The following DAB1 variants were observed in gnomAD, a reference collection of about 807,000 sequenced individuals.
DAB1 encodes the protein disabled homolog 1.
DAB1 carries 15 observed loss-of-function variants against 64.6 expected under a neutral mutation model. The ratio of observed to expected loss-of-function variants is 0.23; its 90% CI spans 0.16 to 0.36. The LOEUF is 0.36. Ranked by LOEUF, DAB1 falls within the 10% of genes least tolerant of loss-of-function variation. DAB1 has a pLI of 1.00. For missense variants in DAB1, 596 were observed against 706.7 expected (o/e 0.84, Z 1.78); for synonymous variants, 235 against 251.9 (o/e 0.93, Z 0.64).
At chr1:57,410,129 T>A (rs1683992096) in intron 1 of DAB1, among the ~76,000 whole-genome samples, 2 of 152,050 alleles carry the variant, frequency 1.3e-5, no homozygotes, top group African/African-American at 4.8e-5. Context: ...CAGAAAAGGA[T>A]AAGAAAATAA....
chr1:57,920,053 C>A (rs1017752662), intron 5 of DAB1, among the ~76,000 whole-genome samples: 6 of 152,154 alleles, frequency 3.9e-5, no homozygotes, highest in Non-Finnish European at 8.8e-5. Flanking sequence ...ACCTTTATGA[C>A]ATTCCAATGT....
Position 58,471,273 on chromosome 1 carries a change from G to C in DAB1, n.257+34787C>G, listed in dbSNP as rs926019216. ...TTGGAAGGCAGGGATAAAAGACATA[G>C]GTAAAAACAAACAAGCAAAACAGAC... On this transcript the variant is annotated intron_variant and non_coding_transcript_variant, in intron 3 of 20. Coordinates refer to the DAB1 transcript ENST00000485760. Among the ~76,000 whole-genome samples, 5 of 152,052 alleles carry C rather than the reference G, an allele frequency of 3.3e-5. No homozygotes were observed. In the East Asian group the frequency reaches 9.6e-4, roughly 29 times the overall value.
intron 6 of DAB1, among the ~76,000 whole-genome samples, chr1:57,717,336 A>G (rs1647096743): frequency 1.3e-5 from 2 of 152,130 alleles, no homozygotes; most frequent in South Asian, 4.1e-4. Context: ...CAAAAAAATC[A>G]TCAGGGAAAT....
chr1:58,478,503 T>A (rs1187995103), intron 3 of DAB1, among the ~76,000 whole-genome samples: 2 of 152,174 alleles, frequency 1.3e-5, no homozygotes, highest in African/African-American at 4.8e-5. Flanking sequence ...TAGGAGGATT[T>A]TTTTTGTCCC....
chr1:58,306,625 G>A (rs936563124), intron 4 of DAB1, among the ~76,000 whole-genome samples: 1 of 152,122 alleles, frequency 6.6e-6, no homozygotes, highest in Non-Finnish European at 1.5e-5. Context: ...TTGGGAGGAT[G>A]TTAACACCCC....
rs61514808 is a variant in DAB1 at position 58,223,521 on chromosome 1, C to T, written n.310-72933G>A. 8.4e-3 allele frequency among the ~76,000 whole-genome samples: 1,279 copies of T among 152,310 alleles called. 20 individuals carry two copies. Among genetic ancestry groups the T allele is most frequent in the African/African-American group, 0.029 (1,226 of 41,574 alleles). On this transcript the variant is annotated intron_variant and non_coding_transcript_variant, in intron 4 of 20. Transcript: ENST00000485760. ...TCCTGAGAAAACTGCTATTCAATTG[C>T]ACAAGGCTGATTTTCAAGGCATTGA...
intron 1 of DAB1, among the ~76,000 whole-genome samples, chr1:57,311,387 T>A (rs1674688271): frequency 6.6e-6 from 1 of 151,982 alleles, no homozygotes; most frequent in African/African-American, 2.4e-5. Context: ...ACTGGGAAAC[T>A]GAGGCAGCCA....
chr1:57,067,288 G>A (rs189185088), intron 8 of DAB1, among the ~76,000 whole-genome samples: 139 of 152,188 alleles, frequency 9.1e-4, no homozygotes, highest in Admixed American at 2.2e-3. Flanking sequence ...ACTTAGAATC[G>A]AATTGTGAAA....
At chr1:57,641,162 T>C (rs1011739385) in intron 7 of DAB1, among the ~76,000 whole-genome samples, 2 of 152,140 alleles carry the variant, frequency 1.3e-5, no homozygotes, top group African/African-American at 4.8e-5. Flanking sequence ...AATTGAGGCC[T>C]GGGAGTGGAG....
intron 5 of DAB1, among the ~76,000 whole-genome samples, chr1:58,103,059 G>A (rs1370514739): frequency 6.6e-6 from 1 of 152,150 alleles, no homozygotes; most frequent in Middle Eastern, 3.2e-3. Flanking sequence ...CCAGCTCACA[G>A]TTCAGGAGGG....
At chr1:57,931,719 C>A (rs986833013) in intron 5 of DAB1, among the ~76,000 whole-genome samples, 2 of 152,102 alleles carry the variant, frequency 1.3e-5, no homozygotes, top group East Asian at 1.9e-4. Context: ...CTTATATTTG[C>A]AATTTGTGTC....
intron 2 of DAB1, among the ~76,000 whole-genome samples, chr1:58,513,915 C>A (rs1281649092): frequency 2.0e-5 from 3 of 152,174 alleles, no homozygotes; most frequent in Non-Finnish European, 2.9e-5. Context: ...ATAATTTGAA[C>A]ACAAGTAGTC....
chr1:57,131,007 A>C (rs769473678), intron 4 of DAB1, among the ~76,000 whole-genome samples: 1 of 152,214 alleles, frequency 6.6e-6, no homozygotes, highest in Non-Finnish European at 1.5e-5. Context: ...GTCTGCCCTG[A>C]ATATTGCAGA....
chr1:57,271,897 G>A (rs1671030155), intron 2 of DAB1, among the ~76,000 whole-genome samples: 1 of 152,170 alleles, frequency 6.6e-6, no homozygotes, highest in Non-Finnish European at 1.5e-5. Flanking sequence ...GAGCTGGGCT[G>A]AGCTTTACAG....
At chr1:57,826,757 G>A (rs1394730034) in intron 1 of DAB1, among the ~76,000 whole-genome samples, 1 of 152,190 alleles carries the variant, frequency 6.6e-6, no homozygotes, top group Non-Finnish European at 1.5e-5. Context: ...GCAGGAGATG[G>A]CACTGACTCA....
At chr1:58,062,821 C>T (rs1411343274) in intron 5 of DAB1, among the ~76,000 whole-genome samples, 1 of 152,200 alleles carries the variant, frequency 6.6e-6, no homozygotes, top group African/African-American at 2.4e-5. Context: ...AAGGAACATG[C>T]ACCAGGATCT....
chr1:58,053,985 G>C (rs1306643727), intron 5 of DAB1, among the ~76,000 whole-genome samples: 1 of 152,210 alleles, frequency 6.6e-6, no homozygotes, highest in African/African-American at 2.4e-5. Flanking sequence ...ATGCTATACT[G>C]AAGGGAAGAA....
intron 2 of DAB1, among the ~76,000 whole-genome samples, chr1:57,200,259 C>T (rs17115341): frequency 0.1 from 15,688 of 152,188 alleles, 1,113 homozygotes; most frequent in Admixed American, 0.25. Flanking sequence ...CCTTAAGCTG[C>T]CAGAAAGCAT....
intron 7 of DAB1, among the ~76,000 whole-genome samples, chr1:57,632,826 G>T (rs924276328): frequency 6.6e-6 from 1 of 152,068 alleles, no homozygotes; most frequent in African/African-American, 2.4e-5. Context: ...AGGAAGTAAG[G>T]AATTGTTATT....
Sources: allele counts gnomAD v4.1 joint callset (sites outside exome capture counted in the v4.1 genomes callset), GRCh38; gene constraint gnomAD v4.1.1; transcripts MANE v1.5; gene names NCBI Gene and HGNC (gene_info 2026-07-23, HGNC 2026-07-21).